Variants in CSMD1 observed in about 807,000 individuals in gnomAD.
CSMD1 encodes CUB and Sushi multiple domains 1.
CSMD1 carries 213 observed loss-of-function variants against 417.5 expected under a neutral mutation model. The ratio of observed to expected loss-of-function variants is 0.51; its 90% CI spans 0.46 to 0.57. The LOEUF (loss-of-function observed/expected upper bound fraction) is 0.57, where lower values mean the gene tolerates loss of function less well. Ranked by LOEUF, CSMD1 falls within the 20% of genes least tolerant of loss-of-function variation. The pLI, the probability that CSMD1 is intolerant of heterozygous loss-of-function variation, is 0.00. For missense variants in CSMD1, 6,923 were observed against 4,529.7 expected (o/e 1.53, Z -15.17); for synonymous variants, 2,862 against 1,736.8 (o/e 1.65, Z -16.11).
intron 39 of CSMD1, among the ~76,000 whole-genome samples, chr8:3,156,222 GCTGA>G (rs1819519078): frequency 6.6e-6 from 1 of 152,150 alleles, no homozygotes; most frequent in South Asian, 2.1e-4. Flanking sequence ...CATGTTTGAG[GCTGA>G]CTGTCTGGAC....
intron 25 of CSMD1, among the ~76,000 whole-genome samples, chr8:3,304,232 A>ATTTATATGACTGATGTATTTCTCATT (rs1804634496): frequency 6.6e-6 from 1 of 152,120 alleles, no homozygotes; most frequent in Non-Finnish European, 1.5e-5. Context: ...CTGTGTTCAT[A>ATTTATATGACTGATGTATTTCTCATT]TTTATATGAC....
chr8:3,236,133 G>A (rs1339111342), intron 26 of CSMD1, among the ~76,000 whole-genome samples: 1 of 151,772 alleles, frequency 6.6e-6, no homozygotes, highest in Non-Finnish European at 1.5e-5. Flanking sequence ...TTAGCCAGGA[G>A]AGTCTCGATC....
At chr8:4,590,246 A>C (rs2617084) in intron 2 of CSMD1, among the ~76,000 whole-genome samples, 58,826 of 151,748 alleles carry the variant, frequency 0.39, 11,527 homozygotes, top group Admixed American at 0.42. Flanking sequence ...CTAGCGTCAT[A>C]CTTGAAAGTG....
chr8:4,954,280 T>C (rs12676984), intron 1 of CSMD1, among the ~76,000 whole-genome samples: 25,505 of 152,170 alleles, frequency 0.17, 2,254 homozygotes, highest in African/African-American at 0.21. Context: ...TGATAAGTGT[T>C]ACAACAGAGG....
intron 10 of CSMD1, among the ~76,000 whole-genome samples, chr8:3,551,305 C>A (rs993174903): frequency 2.6e-5 from 4 of 152,106 alleles, no homozygotes; most frequent in Non-Finnish European, 5.9e-5. Context: ...TATCCAAACT[C>A]TATATCAATA....
Position 4,049,714 on chromosome 8 carries a change from T to C in CSMD1, c.416-17615A>G, listed in dbSNP as rs147731437. On this transcript the variant is annotated intron_variant, in intron 3 of 69. Transcript: ENST00000635120. ...TCTTAATAAATTTTCAAATTTAGAC[T>C]ACTTTAAAAATTTGTTTTAAAGTTT... Among the ~76,000 whole-genome samples, 184 of 152,332 alleles carry C rather than the reference T, an allele frequency of 1.2e-3. 1 individual carries two copies. Among genetic ancestry groups the C allele is most frequent in the African/African-American group, 3.9e-3 (162 of 41,584 alleles).
chr8:4,311,686 G>A (rs1165360832), intron 3 of CSMD1, among the ~76,000 whole-genome samples: 4 of 141,228 alleles, frequency 2.8e-5, no homozygotes, highest in South Asian at 2.3e-4. Context: ...TTGTGCCACA[G>A]CACTCCAGCC....
chr8:4,677,325 T>C (rs1805760169), intron 1 of CSMD1, among the ~76,000 whole-genome samples: 1 of 151,708 alleles, frequency 6.6e-6, no homozygotes, highest in Non-Finnish European at 1.5e-5. Flanking sequence ...ATACAATTAG[T>C]TTATCATTAT....
At chr8:4,506,376 A>T (rs1463934040) in intron 2 of CSMD1, among the ~76,000 whole-genome samples, 1 of 150,980 alleles carries the variant, frequency 6.6e-6, no homozygotes, top group Admixed American at 6.6e-5. Context: ...CCATGAGCCC[A>T]AGTCTAGTGC....
At chr8:3,373,952 ATTTT>A (rs34432095) in intron 18 of CSMD1, among the ~76,000 whole-genome samples, 8 of 125,544 alleles carry the variant, frequency 6.4e-5, no homozygotes, top group Non-Finnish European at 5.2e-5. Flanking sequence ...GCATCCAACT[ATTTT>A]TTTTTTTTTT....
intron 8 of CSMD1, among the ~76,000 whole-genome samples, chr8:3,612,563 C>T (rs370459288): frequency 1.3e-5 from 2 of 152,034 alleles, no homozygotes; most frequent in East Asian, 3.9e-4. Context: ...GCCCATAAAG[C>T]AATTATCAAA....
chr8:3,500,664 G>C (rs893671862), intron 10 of CSMD1, among the ~76,000 whole-genome samples: 2 of 152,130 alleles, frequency 1.3e-5, no homozygotes, highest in Non-Finnish European at 2.9e-5. Flanking sequence ...AAGGAGGAGG[G>C]AGTGATCACA....
chr8:4,904,011 T>G (rs1178627300), intron 1 of CSMD1, among the ~76,000 whole-genome samples: 1 of 152,334 alleles, frequency 6.6e-6, no homozygotes, highest in South Asian at 2.1e-4. Context: ...TGTATTTATT[T>G]CTTTTATTTT....
chr8:4,782,719 A>G lies in CSMD1; in HGVS notation c.86-145161T>C, dbSNP rs575308401. On this transcript the variant is annotated intron_variant, in intron 1 of 69. Coordinates refer to ENST00000635120, the MANE Select transcript of CSMD1 (RefSeq NM_033225.6). ...TTTTATCTTTGTCGCTTTAATTTGA[A>G]TCCAAAAAAATGAAAATACATGAAT... is the stretch of plus-strand genomic sequence containing the variant. 5.9e-5 allele frequency among the ~76,000 whole-genome samples: 9 copies of G among 152,238 alleles called. No homozygotes were observed. The South Asian group carries it at 1.9e-3, about 32-fold the overall frequency.
intron 3 of CSMD1, among the ~76,000 whole-genome samples, chr8:4,328,061 C>G (rs1216957209): frequency 1.3e-5 from 2 of 152,074 alleles, no homozygotes; most frequent in Non-Finnish European, 2.9e-5. Flanking sequence ...GTACTAAGCT[C>G]TGCACTCCAT....
At chr8:3,887,909 C>T (rs933577017) in intron 5 of CSMD1, among the ~76,000 whole-genome samples, 4 of 152,104 alleles carry the variant, frequency 2.6e-5, no homozygotes, top group Non-Finnish European at 4.4e-5. Context: ...ACTCAGTTGA[C>T]ATCAATTACA....
intron 17 of CSMD1, among the ~76,000 whole-genome samples, chr8:3,391,519 C>T (rs182496357): frequency 3.7e-4 from 56 of 152,316 alleles, no homozygotes; most frequent in Middle Eastern, 6.8e-3. Flanking sequence ...TATACAGACA[C>T]TGTGCCACAT....
intron 25 of CSMD1, among the ~76,000 whole-genome samples, chr8:3,291,358 T>C (rs570607132): frequency 7.3e-5 from 2 of 27,364 alleles, no homozygotes; most frequent in South Asian, 1.7e-3. Flanking sequence ...TTAGGGAGGA[T>C]TCCCATCTTT....
At chr8:3,392,744 A>T (rs1811424666) in intron 17 of CSMD1, among the ~76,000 whole-genome samples, 2 of 152,100 alleles carry the variant, frequency 1.3e-5, no homozygotes, top group African/African-American at 2.4e-5. Context: ...GCTCCCAGGG[A>T]TGTGTTAGTG....
Sources: allele counts gnomAD v4.1 joint callset (sites outside exome capture counted in the v4.1 genomes callset), GRCh38; gene constraint gnomAD v4.1.1; transcripts MANE v1.5; gene names NCBI Gene and HGNC (gene_info 2026-07-23, HGNC 2026-07-21).